Variants in NAA16 observed in about 807,000 individuals in gnomAD.
NAA16 encodes NARG1-like protein.
NAA16 carries 97 observed loss-of-function variants against 110.3 expected under a neutral mutation model. The observed-to-expected ratio is 0.88, with a 90% CI of 0.75 to 1.04. The LOEUF (loss-of-function observed/expected upper bound fraction) is 1.04. NAA16 is among the 50% of genes least tolerant of loss of function. The pLI is 0.00. For synonymous variants in NAA16, 372 were observed against 330.6 expected (o/e 1.13, Z -1.36); for missense variants, 1,017 against 1,005.1 (o/e 1.01, Z -0.16).
At chr13:41,357,763 G>C (rs765930217) in intron 10 of NAA16, among the ~76,000 whole-genome samples, 1 of 152,132 alleles carries the variant, frequency 6.6e-6, no homozygotes, top group African/African-American at 2.4e-5. Context: ...AAGAGGACTG[G>C]GCTGTGTTTT....
In NAA16 at chr13:41,375,664, C is replaced by G; in HGVS notation, c.*62C>G. On this transcript the variant is annotated 3_prime_UTR_variant, in exon 20 of 20. Coordinates refer to ENST00000379406, the MANE Select transcript of NAA16 (RefSeq NM_024561.5). Reference sequence around the variant, plus strand: ...TGAATTGAGATCAGGGTTTCTTTTCCAGGGTGCATTTTAATATACGTATGA... The same window carrying G: ...TGAATTGAGATCAGGGTTTCTTTTCGAGGGTGCATTTTAATATACGTATGA... 2.3e-6 allele frequency: 3 copies of G among 1,308,496 alleles called. No homozygotes were observed. The highest frequency in any genetic ancestry group is 2.4e-5 in the East Asian group (1 of 41,684). The allele number at this position is 1,308,496 out of a possible 1,614,324, so 81.1% of individuals were successfully genotyped here. A position where few individuals can be genotyped will look rare whatever the true frequency, so the allele number is the denominator to read the frequency against.
intron 13 of NAA16, 44 bp from the exon 14 acceptor site, chr13:41,367,395 T>C (rs1347315549): frequency 1.5e-6 from 2 of 1,359,408 alleles, no homozygotes; most frequent in African/African-American, 1.5e-5. Context: ...GTAGACATTA[T>C]TGACATAAAT....
intron 3 of NAA16, among the ~76,000 whole-genome samples, chr13:41,319,633 C>T (rs1302674976): frequency 6.6e-6 from 1 of 152,148 alleles, no homozygotes; most frequent in East Asian, 1.9e-4. Flanking sequence ...TCTCCCACCT[C>T]AGCCTCCCAG....
chr13:41,374,705 A>G (rs1452159176), intron 18 of NAA16, 37 bp from the exon 19 acceptor site: 1 of 1,272,012 alleles, frequency 7.9e-7, no homozygotes, highest in Non-Finnish European at 1.1e-6. Flanking sequence ...TGTAAAGTAT[A>G]GGTGTTTATT....
At chr13:41,332,682 A>G (rs1469381436) in intron 8 of NAA16, among the ~76,000 whole-genome samples, 2 of 152,228 alleles carry the variant, frequency 1.3e-5, no homozygotes, top group Non-Finnish European at 2.9e-5. Flanking sequence ...ACTTAAAAGT[A>G]TTCTGGAGAG....
At chr13:41,357,233 A>C (rs754800938) in intron 10 of NAA16, among the ~76,000 whole-genome samples, 3 of 152,210 alleles carry the variant, frequency 2.0e-5, no homozygotes, top group Non-Finnish European at 4.4e-5. Context: ...AGGCATGAGG[A>C]TCACTGGAGC....
intron 9 of NAA16, among the ~76,000 whole-genome samples, chr13:41,344,863 A>G (rs1593473405): frequency 6.6e-6 from 1 of 152,202 alleles, no homozygotes; most frequent in Admixed American, 6.5e-5. Context: ...GAGACTCCAT[A>G]TCCTTTAGCT....
intron 2 of NAA16, among the ~76,000 whole-genome samples, chr13:41,318,088 T>G (rs1389187663): frequency 1.3e-5 from 2 of 152,208 alleles, no homozygotes; most frequent in Admixed American, 6.5e-5. Flanking sequence ...TAAGGTAGAT[T>G]GAGTGTTTTT....
chr13:41,361,944 T>A, intron 12 of NAA16, 87 bp from the exon 13 acceptor site: 1 of 1,426,622 alleles, frequency 7.0e-7, no homozygotes, highest in Non-Finnish European at 9.7e-7. Flanking sequence ...GTCATAATAG[T>A]ACTGTAGCCC....
intron 5 of NAA16, among the ~76,000 whole-genome samples, 161 bp downstream of exon 5, chr13:41,323,351 CTCTT>C (rs1304258676): frequency 6.6e-6 from 1 of 150,502 alleles, no homozygotes; most frequent in Non-Finnish European, 1.5e-5. Flanking sequence ...ATTTTTCTCT[CTCTT>C]TTTTTTTTTT....
chr13:41,314,467 C>T (rs766752308), intron 1 of NAA16, among the ~76,000 whole-genome samples: 1 of 152,086 alleles, frequency 6.6e-6, no homozygotes, highest in Non-Finnish European at 1.5e-5. Context: ...TTAGGTTTCT[C>T]TCCTATCCTT....
intron 19 of NAA16, 92 bp downstream of exon 19, chr13:41,374,931 T>TA (rs2043399360): frequency 1.4e-6 from 1 of 727,876 alleles, no homozygotes; most frequent in East Asian, 2.5e-5. Flanking sequence ...CCTTCAGAAT[T>TA]ATGCCTGGAT....
Position 41,314,713 on chromosome 13 carries a change from C to G in NAA16, c.55-2133C>G, listed in dbSNP as rs181054898. Among the ~76,000 whole-genome samples, 289 of 152,162 alleles carry G rather than the reference C, an allele frequency of 1.9e-3. 3 individuals are homozygous for G. The highest frequency in any genetic ancestry group is 0.016 in the Admixed American group (241 of 15,284). Reference sequence around the variant, plus strand: ...AGCAGTATGTAAAATAGGCTAAGGCCGGCGCAGTGGCTCATGCCTGTAATC... The same window carrying G: ...AGCAGTATGTAAAATAGGCTAAGGCGGGCGCAGTGGCTCATGCCTGTAATC... On this transcript the variant is annotated intron_variant, in intron 1 of 19. Coordinates refer to ENST00000379406, the MANE Select transcript of NAA16 (RefSeq NM_024561.5).
Position 41,347,214 on chromosome 13 carries a change from CA to C in NAA16, c.1015-7917del, listed in dbSNP as rs76747459. On this transcript the variant is annotated intron_variant, in intron 9 of 19. Coordinates refer to ENST00000379406, the MANE Select transcript of NAA16 (RefSeq NM_024561.5). Reference sequence around the variant, plus strand: ...GTGGCGACAGAGCGAGACTCCGTCTCAAAAAAAAAAAAACAAAAACAAAAAC... The same window carrying C: ...GTGGCGACAGAGCGAGACTCCGTCTCAAAAAAAAAAAACAAAAACAAAAAC... 2.5e-4 allele frequency among the ~76,000 whole-genome samples: 14 copies of C among 55,278 alleles called. 1 individual carries two copies. The highest frequency in any genetic ancestry group is 9.1e-3 in the Middle Eastern group (1 of 110). The allele number at this position is 55,278 out of a possible 152,430, so 36.3% of individuals were successfully genotyped here. A position where few individuals can be genotyped will look rare whatever the true frequency, so the allele number is the denominator to read the frequency against.
intron 9 of NAA16, among the ~76,000 whole-genome samples, chr13:41,346,628 C>T (rs1257291874): frequency 6.6e-6 from 1 of 151,884 alleles, no homozygotes; most frequent in Non-Finnish European, 1.5e-5. Context: ...GGGGTGGTCT[C>T]GTTGCCTGGC....
At position 41,311,592 on chromosome 13, in the gene NAA16, C is replaced by T. The variant is rs767768512; in HGVS notation, c.54+10C>T. 16 of 1,602,790 alleles carry T rather than the reference C, an allele frequency of 1.0e-5. No homozygotes were observed. Among genetic ancestry groups the T allele is most frequent in the Admixed American group, 1.7e-5 (1 of 58,614 alleles). On this transcript the variant is annotated intron_variant, in intron 1 of 19. Coordinates refer to ENST00000379406, the MANE Select transcript of NAA16 (RefSeq NM_024561.5). ...CTTCAAACGCATCTTGGTGAGTGGC[C>T]GTAGGCCGCGCTGCCGCCCCCCGGT...
chr13:41,349,810 C>CA lies in NAA16; in HGVS notation c.1015-5326dup, dbSNP rs527437700. ...TGAAACCCTAAATCTACTAAAAATA[C>CA]AAAAAAAAGTTAGCTGGGCGTGGTG... On this transcript the variant is annotated intron_variant, in intron 9 of 19. Coordinates refer to ENST00000379406, the MANE Select transcript of NAA16 (RefSeq NM_024561.5). 7.2e-4 allele frequency among the ~76,000 whole-genome samples: 109 copies of CA among 151,434 alleles called. 1 individual carries two copies. Among genetic ancestry groups the CA allele is most frequent in the South Asian group, 4.8e-3 (23 of 4,800 alleles).
intron 8 of NAA16, among the ~76,000 whole-genome samples, chr13:41,333,190 A>T (rs1190450929): frequency 6.6e-6 from 1 of 152,092 alleles, no homozygotes; most frequent in Non-Finnish European, 1.5e-5. Flanking sequence ...TCCCTAATAA[A>T]AGTGTCTTGT....
At chr13:41,348,461 C>G (rs1282390657) in intron 9 of NAA16, among the ~76,000 whole-genome samples, 2 of 152,174 alleles carry the variant, frequency 1.3e-5, no homozygotes, top group African/African-American at 2.4e-5. Context: ...CCACTCCTGG[C>G]TGATGTTAAA....
Sources: allele counts gnomAD v4.1 joint callset (sites outside exome capture counted in the v4.1 genomes callset), GRCh38; gene constraint gnomAD v4.1.1; transcripts MANE v1.5; gene names NCBI Gene and HGNC (gene_info 2026-07-23, HGNC 2026-07-21).